The following JARID2 variants were observed in gnomAD, a reference collection of about 807,000 sequenced individuals.
The protein encoded by JARID2 is jumonji and AT-rich interaction domain containing 2, also known as protein Jumonji.
Under a neutral mutation model 125.6 loss-of-function variants are expected in JARID2, and 21 were observed. That is an observed-to-expected ratio of 0.17 (90% CI 0.12 to 0.24). JARID2 has a LOEUF of 0.24. Among genes scored for constraint, JARID2 ranks in the 10% least tolerant of loss-of-function variants. JARID2 has a pLI of 1.00. For synonymous variants in JARID2, 736 were observed against 661.6 expected, an observed-to-expected ratio of 1.11 and a Z score of -1.73; for missense variants, 1,303 against 1,639.6, an observed-to-expected ratio of 0.79 and a Z score of 3.55.
intron 3 of JARID2, among the ~76,000 whole-genome samples, chr6:15,428,651 A>G (rs1766833159): frequency 6.6e-6 from 1 of 152,212 alleles, no homozygotes; most frequent in Non-Finnish European, 1.5e-5. Context: ...AATGCCTGTA[A>G]TCCTAGCACT....
At chr6:15,429,033 G>T (rs566331739) in intron 3 of JARID2, among the ~76,000 whole-genome samples, 7 of 150,650 alleles carry the variant, frequency 4.6e-5, no homozygotes, top group African/African-American at 1.2e-4. Context: ...TTGGTTGAAA[G>T]CAACATCATC....
At chr6:15,512,176 A>AG in intron 13 of JARID2, 32 bp from the exon 14 acceptor site, 1 of 1,601,826 alleles carries the variant, frequency 6.2e-7, no homozygotes, top group Non-Finnish European at 8.5e-7. Flanking sequence ...GCGCACAGGG[A>AG]GGGGTGCCTC....
chr6:15,500,855 G>C, intron 7 of JARID2, 52 bp from the exon 8 acceptor site: 1 of 1,496,972 alleles, frequency 6.7e-7, no homozygotes. Context: ...GGAACATCTT[G>C]TTCGTGTCTC....
At chr6:15,262,662 C>G (rs932847014) in intron 1 of JARID2, among the ~76,000 whole-genome samples, 1 of 151,600 alleles carries the variant, frequency 6.6e-6, no homozygotes, top group Non-Finnish European at 1.5e-5. Context: ...CTCAGCCTTC[C>G]GAGTAGCTGG....
chr6:15,398,566 G>A (rs1362461326), intron 2 of JARID2, among the ~76,000 whole-genome samples: 1 of 152,178 alleles, frequency 6.6e-6, no homozygotes, highest in Non-Finnish European at 1.5e-5. Flanking sequence ...TATTTACAAC[G>A]GAGAGTTTTG....
At chr6:15,337,074 TCTCTCTTCCTGC>T (rs1186210056) in intron 1 of JARID2, among the ~76,000 whole-genome samples, 2 of 152,084 alleles carry the variant, frequency 1.3e-5, no homozygotes, top group Non-Finnish European at 1.5e-5. Flanking sequence ...TGCGAAACTG[TCTCTCTTCCTGC>T]CTCTCTTCCA....
At chr6:15,369,326 G>T in intron 1 of JARID2, 1 of 465,950 alleles carries the variant, frequency 2.1e-6, no homozygotes, top group Middle Eastern at 3.7e-4. Context: ...AAAAAATTAT[G>T]ACCATATACA....
At chr6:15,292,732 A>G (rs1193938312) in intron 1 of JARID2, among the ~76,000 whole-genome samples, 3 of 152,214 alleles carry the variant, frequency 2.0e-5, no homozygotes, top group Non-Finnish European at 2.9e-5. Flanking sequence ...CAGTAGCACA[A>G]TCTTGGCTCA....
Position 15,521,093 on chromosome 6 carries a change from GAAAA to G in JARID2, c.*847_*850del, listed in dbSNP as rs1299933144. 5 of 104,516 alleles carry G rather than the reference GAAAA, an allele frequency of 4.8e-5. No homozygotes were observed. The highest frequency in any genetic ancestry group is 8.0e-5 in the Non-Finnish European group (4 of 50,112). The allele number at this position is 104,516 out of a possible 1,614,324, so 6.5% of individuals were successfully genotyped here. On this transcript the variant is annotated 3_prime_UTR_variant, in exon 18 of 18. Transcript: ENST00000341776. ...ATTTAAAAAAAAAAAAAAAAAAAAG[GAAAA>G]AAAAGTGATGGAAGCCGTAAGTGCT...
At chr6:15,497,269 C>G in intron 7 of JARID2, 99 bp downstream of exon 7, 1 of 937,106 alleles carries the variant, frequency 1.1e-6, no homozygotes, top group Non-Finnish European at 1.6e-6. Context: ...CTTGCGAAAG[C>G]TCCAGTTCCG....
intron 4 of JARID2, among the ~76,000 whole-genome samples, chr6:15,460,046 T>C (rs899045883): frequency 1.3e-5 from 2 of 152,184 alleles, no homozygotes; most frequent in Non-Finnish European, 2.9e-5. Context: ...TGAAAGTGTA[T>C]GTTTGAGAAC....
chr6:15,498,887 C>T, intron 7 of JARID2, among the ~76,000 whole-genome samples: 1 of 152,230 alleles, frequency 6.6e-6, no homozygotes, highest in East Asian at 1.9e-4. Context: ...TGGAACCGCA[C>T]CAAGTCCTCC....
intron 1 of JARID2, among the ~76,000 whole-genome samples, chr6:15,349,684 C>T (rs12211777): frequency 6.6e-6 from 1 of 152,052 alleles, no homozygotes; most frequent in African/African-American, 2.4e-5. Flanking sequence ...GCAGAAACAC[C>T]GAGCTTCCCA....
intron 2 of JARID2, among the ~76,000 whole-genome samples, chr6:15,405,856 G>A (rs369735377): frequency 2.0e-5 from 3 of 152,220 alleles, no homozygotes; most frequent in East Asian, 1.9e-4. Flanking sequence ...GCCCTGTGGC[G>A]TCATATTCCA....
At chr6:15,506,142 TA>T (rs1038870773) in intron 9 of JARID2, among the ~76,000 whole-genome samples, 1 of 152,264 alleles carries the variant, frequency 6.6e-6, no homozygotes, top group African/African-American at 2.4e-5. Context: ...CTGGATTGCC[TA>T]GCTTCTTGTG....
chr6:15,426,412 G>A (rs1032917806), intron 3 of JARID2, among the ~76,000 whole-genome samples: 3 of 152,314 alleles, frequency 2.0e-5, no homozygotes, highest in Non-Finnish European at 2.9e-5. Flanking sequence ...TCAAAAGGAC[G>A]CACGTGGATG....
chr6:15,419,571 TA>T (rs3216217), intron 3 of JARID2, among the ~76,000 whole-genome samples: 37 of 152,288 alleles, frequency 2.4e-4, no homozygotes, highest in Middle Eastern at 3.4e-3. Flanking sequence ...TCACCCACAT[TA>T]AAAAAATACT....
chr6:15,308,948 C>T (rs188768379), intron 1 of JARID2, among the ~76,000 whole-genome samples: 13 of 152,306 alleles, frequency 8.5e-5, no homozygotes, highest in Admixed American at 6.5e-4. Context: ...GGGTGGAAAT[C>T]GTAGTAGTTG....
chr6:15,301,201 T>A (rs559285343), intron 1 of JARID2, among the ~76,000 whole-genome samples: 1 of 152,334 alleles, frequency 6.6e-6, no homozygotes, highest in East Asian at 1.9e-4. Context: ...TGCAAAATGG[T>A]AGGGTGGTAC....
Sources: allele counts gnomAD v4.1 joint callset (sites outside exome capture counted in the v4.1 genomes callset), GRCh38; gene constraint gnomAD v4.1.1; transcripts MANE v1.5; gene names NCBI Gene and HGNC (gene_info 2026-07-23, HGNC 2026-07-21).